LRRTM4: variants seen among roughly 807,000 people sequenced by gnomAD.
The protein encoded by LRRTM4 is leucine-rich repeat transmembrane neuronal protein 4.
In LRRTM4, 25 loss-of-function variants were observed where a neutral mutation model predicts 47.6. The ratio of observed to expected loss-of-function variants is 0.53; its 90% CI spans 0.38 to 0.73. The LOEUF is 0.73. LRRTM4 is among the 30% of genes least tolerant of loss of function. The probability of loss-of-function intolerance (pLI) is 0.00; values close to 1 mark genes in which losing one functional copy is unlikely to be tolerated. For synonymous variants in LRRTM4, 311 were observed against 269.5 expected (o/e 1.15, Z -1.51); for missense variants, 638 against 713.4 (o/e 0.89, Z 1.20).
At chr2:77,458,620 G>T (rs1315139374) in intron 3 of LRRTM4, among the ~76,000 whole-genome samples, 1 of 151,936 alleles carries the variant, frequency 6.6e-6, no homozygotes, top group Non-Finnish European at 1.5e-5. Flanking sequence ...AATAAAGTAT[G>T]CTAGTGAGAT....
At position 77,519,614 on chromosome 2, in the gene LRRTM4, G is replaced by A; in HGVS notation, c.255C>T (p.Asn85=). ...GGTCAAGATAAAGCCATATAAGCTGGTTAAGGCCGGCAAACTGATTGGATT... is the reference window on the plus strand; with the variant it reads ...GGTCAAGATAAAGCCATATAAGCTGATTAAGGCCGGCAAACTGATTGGATT... The part of the protein sequence containing the change: ...KLKSNQFAGL[N]QLIWLYLDHN... Residue 85 remains asparagine (N), a synonymous_variant, in exon 3 of 4, where the codon AAC becomes AAT. Coordinates refer to ENST00000409884, the MANE Select transcript of LRRTM4 (RefSeq NM_001134745.3). This position sits in a 1 kb window ranked among gnomAD's most constrained non-coding sequence, Gnocchi z 4.6. The A allele has an allele frequency of 6.2e-7, 1 of 1,613,458 alleles. No individual in the cohort carries two copies. The highest frequency in any genetic ancestry group is 8.5e-7 in the Non-Finnish European group (1 of 1,179,654).
At chr2:76,836,187 G>GA (rs1671508366) in intron 3 of LRRTM4, among the ~76,000 whole-genome samples, 2 of 150,138 alleles carry the variant, frequency 1.3e-5, no homozygotes, top group Admixed American at 1.3e-4. Context: ...AACAGTGAAG[G>GA]AAACTACCTG....
intron 3 of LRRTM4, among the ~76,000 whole-genome samples, chr2:77,057,203 T>C (rs908162342): frequency 1.1e-4 from 17 of 152,158 alleles, no homozygotes; most frequent in Admixed American, 4.6e-4. Flanking sequence ...ACATTTATGC[T>C]TTCAATAAAG....
intron 3 of LRRTM4, among the ~76,000 whole-genome samples, chr2:77,039,576 A>G (rs765836378): frequency 1.3e-5 from 2 of 151,268 alleles, no homozygotes; most frequent in South Asian, 2.1e-4. Context: ...CACCTCCCCA[A>G]TCTATCTTCC....
At chr2:76,925,168 A>C (rs1286614051) in intron 3 of LRRTM4, among the ~76,000 whole-genome samples, 1 of 152,158 alleles carries the variant, frequency 6.6e-6, no homozygotes, top group African/African-American at 2.4e-5. Flanking sequence ...AGTGGGCTTT[A>C]CCCAACCAGG....
intron 3 of LRRTM4, among the ~76,000 whole-genome samples, chr2:76,843,259 C>T (rs891505726): frequency 1.3e-5 from 2 of 152,012 alleles, no homozygotes; most frequent in Non-Finnish European, 2.9e-5. Context: ...GAAGTTTGTC[C>T]AGGGTCTATT....
intron 3 of LRRTM4, among the ~76,000 whole-genome samples, chr2:77,421,503 C>T (rs879663139): frequency 2.6e-5 from 4 of 152,002 alleles, no homozygotes; most frequent in African/African-American, 4.8e-5. Flanking sequence ...GTCAGGAGAT[C>T]GAGACCATCC....
intron 3 of LRRTM4, chr2:77,518,008 T>A (rs191465072): frequency 8.3e-6 from 9 of 1,081,230 alleles, no homozygotes; most frequent in African/African-American, 1.6e-5. Flanking sequence ...GAAAAGAGTT[T>A]TGTTTGTATG....
chr2:77,340,017 C>T (rs1671310816), intron 3 of LRRTM4, among the ~76,000 whole-genome samples: 1 of 151,782 alleles, frequency 6.6e-6, no homozygotes, highest in Non-Finnish European at 1.5e-5. Context: ...CGAAGGAATG[C>T]TAGGATAAAA....
chr2:76,852,467 C>G (rs182987935), intron 3 of LRRTM4, among the ~76,000 whole-genome samples: 182 of 152,278 alleles, frequency 1.2e-3, no homozygotes, highest in Non-Finnish European at 2.0e-3. Context: ...AAAATTATAA[C>G]AGATTTCATC....
At chr2:77,083,898 G>A (rs1226033259) in intron 3 of LRRTM4, among the ~76,000 whole-genome samples, 4 of 141,550 alleles carry the variant, frequency 2.8e-5, no homozygotes, top group Non-Finnish European at 4.5e-5. Context: ...TCCGCCTCCC[G>A]GGTTCACGCC....
chr2:77,060,033 G>A (rs972142129), intron 3 of LRRTM4, among the ~76,000 whole-genome samples: 3 of 152,204 alleles, frequency 2.0e-5, no homozygotes, highest in Non-Finnish European at 4.4e-5. Context: ...ATGGCTTGCA[G>A]GCCAGTCTGG....
intron 3 of LRRTM4, among the ~76,000 whole-genome samples, chr2:76,894,276 C>T (rs892814439): frequency 6.6e-6 from 1 of 152,022 alleles, no homozygotes; most frequent in Admixed American, 6.6e-5. Context: ...TACTTATGCA[C>T]TCATGAGAAT....
At chr2:77,433,253 G>A (rs1163875404) in intron 3 of LRRTM4, among the ~76,000 whole-genome samples, 1 of 152,172 alleles carries the variant, frequency 6.6e-6, no homozygotes, top group East Asian at 1.9e-4. Context: ...AAGAACTTGA[G>A]CAGAACTGCC....
intron 3 of LRRTM4, among the ~76,000 whole-genome samples, chr2:77,144,305 G>C (rs954782545): frequency 6.6e-6 from 1 of 151,972 alleles, no homozygotes; most frequent in South Asian, 2.1e-4. Context: ...AAAACTGCTT[G>C]CTAACCACAC....
rs561401414 is a variant in LRRTM4 at position 77,233,900 on chromosome 2, C to T, written c.1551+284418G>A. 3.9e-5 allele frequency among the ~76,000 whole-genome samples: 6 copies of T among 152,244 alleles called. No individual in the cohort carries two copies. The East Asian group carries it at 1.2e-3, about 30-fold the overall frequency. ...GTCCACCCCTGCCTCCATGTTCAAG[C>T]GAGTCTCCCACCTCAGCCTCCCGAG... is the stretch of plus-strand genomic sequence containing the variant. On this transcript the variant is annotated intron_variant, in intron 3 of 3. Coordinates refer to ENST00000409884, the MANE Select transcript of LRRTM4 (RefSeq NM_001134745.3).
At chr2:77,256,781 T>C (rs1675780713) in intron 3 of LRRTM4, among the ~76,000 whole-genome samples, 1 of 151,966 alleles carries the variant, frequency 6.6e-6, no homozygotes, top group Non-Finnish European at 1.5e-5. Flanking sequence ...GAACATTTTA[T>C]GTAGCTGATA....
At chr2:76,888,667 GT>G (rs1343228264) in intron 3 of LRRTM4, among the ~76,000 whole-genome samples, 2 of 151,390 alleles carry the variant, frequency 1.3e-5, no homozygotes, top group Non-Finnish European at 3.0e-5. Context: ...TTATTCATTA[GT>G]TTTTTTTCTA....
At chr2:76,793,032 A>G (rs1675060105) in intron 3 of LRRTM4, among the ~76,000 whole-genome samples, 1 of 152,152 alleles carries the variant, frequency 6.6e-6, no homozygotes, top group Non-Finnish European at 1.5e-5. Context: ...AAAATATTAC[A>G]CACTTGCCAG....
Sources: gnomAD v4.1 joint callset for allele counts (sites outside exome capture counted in the v4.1 genomes callset) on GRCh38, gnomAD v4.1.1 for gene constraint, Gnocchi (gnomAD v3.1) non-coding constraint, MANE v1.5 for transcripts, NCBI Gene and HGNC (gene_info 2026-07-23, HGNC 2026-07-21) for gene names.